The following OPA1 variants were observed in gnomAD, a reference collection of about 807,000 sequenced individuals.
OPA1 encodes dynamin-like GTPase OPA1, mitochondrial.
OPA1 carries 59 observed loss-of-function variants against 152.9 expected under a neutral mutation model. The ratio of observed to expected loss-of-function variants is 0.39; its 90% confidence interval spans 0.31 to 0.48. OPA1 has a LOEUF of 0.48. Among genes scored for constraint, OPA1 ranks in the 20% least tolerant of loss-of-function variants. The probability of loss-of-function intolerance (pLI) is 0.96; values close to 1 mark genes in which losing one functional copy is unlikely to be tolerated. For missense variants in OPA1, 1,008 were observed against 1,216.8 expected (o/e 0.83, Z 2.55); for synonymous variants, 400 against 389.9 (o/e 1.03, Z -0.31).
chr3:193,664,273 A>G (rs1213827188), intron 26 of OPA1, among the ~76,000 whole-genome samples: 1 of 152,072 alleles, frequency 6.6e-6, no homozygotes, highest in African/African-American at 2.4e-5. Context: ...ATGTCCTTTA[A>G]TAATTGATAC....
intron 29 of OPA1, among the ~76,000 whole-genome samples, chr3:193,672,486 C>T (rs75226611): frequency 6.6e-6 from 1 of 152,186 alleles, no homozygotes; most frequent in African/African-American, 2.4e-5. Flanking sequence ...AAGCCTGTTA[C>T]ACTTTTTATT....
chr3:193,631,544 A>C (rs1732070178), intron 7 of OPA1, 68 bp from the exon 8 acceptor site: 1 of 1,181,024 alleles, frequency 8.5e-7, no homozygotes, highest in African/African-American at 1.5e-5. Context: ...CTTATCAAAA[A>C]AATTTAACTT....
intron 1 of OPA1, among the ~76,000 whole-genome samples, chr3:193,597,705 A>G (rs1725833111): frequency 6.6e-6 from 1 of 151,844 alleles, no homozygotes; most frequent in African/African-American, 2.4e-5. Context: ...AAAAAAAAAA[A>G]AAAAGAAATG....
chr3:193,641,363 CCCAG>C (rs890943229), intron 11 of OPA1, among the ~76,000 whole-genome samples: 3 of 152,126 alleles, frequency 2.0e-5, no homozygotes, highest in African/African-American at 7.2e-5. Context: ...GTGCCAAAAC[CCCAG>C]CTTAGCATTT....
chr3:193,648,561 G>A, intron 20 of OPA1: 1 of 470,714 alleles, frequency 2.1e-6, no homozygotes, highest in Non-Finnish European at 3.9e-6. Context: ...CAAGTGTTAT[G>A]TGAAAAACTG....
intron 6 of OPA1, among the ~76,000 whole-genome samples, chr3:193,622,272 C>T (rs1384720152): frequency 2.2e-5 from 3 of 136,674 alleles, no homozygotes; most frequent in Admixed American, 7.8e-5. Flanking sequence ...CTCTGTCACC[C>T]GGCTGGAGTA....
chr3:193,693,749 T>C (rs1316202821), intron 30 of OPA1, among the ~76,000 whole-genome samples: 1 of 152,240 alleles, frequency 6.6e-6, no homozygotes, highest in East Asian at 1.9e-4. Flanking sequence ...TTCATAAATG[T>C]TTTCTATGTC....
At position 193,608,889 on chromosome 3, in the gene OPA1, G is replaced by C. The variant is rs532664410; in HGVS notation, c.33-5834G>C. 2.1e-4 allele frequency among the ~76,000 whole-genome samples: 32 copies of C among 152,256 alleles called. 1 individual carries two copies. The South Asian group carries it at 6.4e-3, about 31-fold the overall frequency. On this transcript the variant is annotated intron_variant, in intron 1 of 30. Transcript: ENST00000361510. ...TTGCTTTATGAATCTGGGTGCTCCTGTATTGGTTGCATATATATTTAGGAT... is the reference window on the plus strand; with the variant it reads ...TTGCTTTATGAATCTGGGTGCTCCTCTATTGGTTGCATATATATTTAGGAT...
intron 7 of OPA1, among the ~76,000 whole-genome samples, chr3:193,629,324 A>G (rs1478789800): frequency 2.6e-5 from 4 of 152,236 alleles, no homozygotes; most frequent in Non-Finnish European, 5.9e-5. Context: ...AGAAAGGCAA[A>G]TGATACATTT....
chr3:193,679,970 A>G (rs1329913173), intron 29 of OPA1, among the ~76,000 whole-genome samples: 1 of 152,184 alleles, frequency 6.6e-6, no homozygotes, highest in Non-Finnish European at 1.5e-5. Context: ...GCACCTCTGT[A>G]AGATAAACTC....
At chr3:193,635,602 C>A in intron 9 of OPA1, 80 bp downstream of exon 9, 1 of 832,316 alleles carries the variant, frequency 1.2e-6, no homozygotes, top group Non-Finnish European at 2.1e-6. Context: ...TTCTAAGGAG[C>A]TGTAAAGTAT....
chr3:193,615,083 T>A, intron 2 of OPA1, 42 bp downstream of exon 2: 1 of 1,442,062 alleles, frequency 6.9e-7, no homozygotes, highest in Non-Finnish European at 9.8e-7. Context: ...TATTATATCA[T>A]GATTAAGTTT....
chr3:193,634,567 G>A (rs1732641794), intron 8 of OPA1, among the ~76,000 whole-genome samples: 1 of 151,876 alleles, frequency 6.6e-6, no homozygotes, highest in Non-Finnish European at 1.5e-5. Context: ...ACAGGTGCCC[G>A]CCACGACGCC....
chr3:193,651,890 T>C (rs1452228848), intron 21 of OPA1, among the ~76,000 whole-genome samples: 2 of 145,826 alleles, frequency 1.4e-5, no homozygotes, highest in African/African-American at 5.2e-5. Context: ...TGGAGTATAA[T>C]AGTCCTCTAC....
chr3:193,655,154 T>C, intron 22 of OPA1, 127 bp downstream of exon 22: 1 of 839,278 alleles, frequency 1.2e-6, no homozygotes, highest in Non-Finnish European at 1.9e-6. Context: ...CATTTATTCT[T>C]TATTCCTCAT....
chr3:193,597,655 C>T (rs1468442815), intron 1 of OPA1, among the ~76,000 whole-genome samples: 1 of 143,292 alleles, frequency 7.0e-6, no homozygotes, highest in Non-Finnish European at 1.5e-5. Context: ...CGAGCCACTG[C>T]ACTCCAACCT....
rs1560079327 is a variant in OPA1 at position 193,688,444 on chromosome 3, C to CTTTTTTTT, written c.2984-3615_2984-3614insTTTTTTTT. 1.3e-4 allele frequency among the ~76,000 whole-genome samples: 5 copies of CTTTTTTTT among 38,516 alleles called. 1 individual carries two copies. The highest frequency in any genetic ancestry group is 1.2e-4 in the Non-Finnish European group (2 of 16,842). 25.3% of individuals were successfully genotyped at this position (38,516 alleles called of 152,430 possible). On this transcript the variant is annotated intron_variant, in intron 29 of 30. Coordinates refer to ENST00000361510, the MANE Select transcript of OPA1 (RefSeq NM_130837.3). Reference sequence around the variant, plus strand: ...TTCCCTGATTTTTACTGAAATGGGTCTTTTCTTTTTTTTTTTTTTTTTTTT... The same window carrying CTTTTTTTT: ...TTCCCTGATTTTTACTGAAATGGGTCTTTTTTTTTTTTCTTTTTTTTTTTTTTTTTTTT...
chr3:193,598,735 C>T (rs777036165), intron 1 of OPA1, among the ~76,000 whole-genome samples: 33 of 152,240 alleles, frequency 2.2e-4, no homozygotes, highest in Admixed American at 9.2e-4. Context: ...TTATTGATGG[C>T]GACTCTCTAA....
At chr3:193,595,197 G>T (rs947398725) in intron 1 of OPA1, among the ~76,000 whole-genome samples, 3 of 152,172 alleles carry the variant, frequency 2.0e-5, no homozygotes, top group African/African-American at 7.2e-5. Context: ...TAGTTCCTTT[G>T]CATGTTGTGA....
Sources: allele counts gnomAD v4.1 joint callset (sites outside exome capture counted in the v4.1 genomes callset), GRCh38; gene constraint gnomAD v4.1.1; transcripts MANE v1.5; gene names NCBI Gene and HGNC (gene_info 2026-07-23, HGNC 2026-07-21).